Variants in CENPP observed in about 807,000 individuals in gnomAD.
The protein encoded by CENPP is centromere protein P.
CENPP carries 24 observed loss-of-function variants against 35.6 expected under a neutral mutation model. The observed-to-expected ratio is 0.67, with a 90% CI of 0.49 to 0.95. The LOEUF is 0.95. Ranked by LOEUF, CENPP falls within the 40% of genes least tolerant of loss-of-function variation. The probability of loss-of-function intolerance (pLI) is 0.00; values close to 1 mark genes in which losing one functional copy is unlikely to be tolerated. For synonymous variants in CENPP, 120 were observed against 125.5 expected, an observed-to-expected ratio of 0.96 and a Z score of 0.29; for missense variants, 332 against 345.3, an observed-to-expected ratio of 0.96 and a Z score of 0.31.
At chr9:92,422,884 C>T (rs1232973466) in intron 5 of CENPP, among the ~76,000 whole-genome samples, 1 of 152,200 alleles carries the variant, frequency 6.6e-6, no homozygotes, top group Non-Finnish European at 1.5e-5. Context: ...TCATACTCTA[C>T]AATGTATGCC....
At chr9:92,448,658 G>A (rs1228265526) in intron 5 of CENPP, among the ~76,000 whole-genome samples, 1 of 152,056 alleles carries the variant, frequency 6.6e-6, no homozygotes, top group Non-Finnish European at 1.5e-5. Context: ...GGGGCCACAG[G>A]AATGGGATTG....
At chr9:92,506,385 A>AT (rs143737796) in intron 5 of CENPP, among the ~76,000 whole-genome samples, 4,955 of 152,060 alleles carry the variant, frequency 0.033, 131 homozygotes, top group South Asian at 0.084. Context: ...ATACAAACAA[A>AT]TTTTTTCTAC....
chr9:92,504,057 C>A (rs1325071801), intron 5 of CENPP, among the ~76,000 whole-genome samples: 3 of 152,224 alleles, frequency 2.0e-5, no homozygotes, highest in African/African-American at 7.2e-5. Flanking sequence ...AGCTCAGGCT[C>A]ACAGTGGGGC....
chr9:92,392,546 CAG>C (rs1472861218), intron 5 of CENPP, among the ~76,000 whole-genome samples: 3 of 151,136 alleles, frequency 2.0e-5, no homozygotes, highest in African/African-American at 7.3e-5. Flanking sequence ...ACCTGGGAGA[CAG>C]AGGTTGCAGT....
At chr9:92,605,112 C>A (rs1444663301) in intron 5 of CENPP, among the ~76,000 whole-genome samples, 1 of 152,048 alleles carries the variant, frequency 6.6e-6, no homozygotes, top group Non-Finnish European at 1.5e-5. Context: ...CCTCAAGTAG[C>A]TGGAATTATA....
At chr9:92,515,076 G>T in intron 5 of CENPP, 2 of 1,613,862 alleles carry the variant, frequency 1.2e-6, no homozygotes, top group Non-Finnish European at 1.7e-6. Flanking sequence ...TTACTATTCG[G>T]TCCATTCCCA....
At chr9:92,468,329 T>A (rs915238299) in intron 5 of CENPP, among the ~76,000 whole-genome samples, 1 of 152,224 alleles carries the variant, frequency 6.6e-6, no homozygotes, top group Non-Finnish European at 1.5e-5. Context: ...GGCTGAGTGA[T>A]CCAGTTAAAC....
chr9:92,350,468 A>G (rs879592844), intron 4 of CENPP, among the ~76,000 whole-genome samples: 1 of 152,230 alleles, frequency 6.6e-6, no homozygotes, highest in African/African-American at 2.4e-5. Context: ...TTTAAAGTTC[A>G]TTGTAAAAGA....
chr9:92,407,357 A>G (rs983313075), intron 5 of CENPP, among the ~76,000 whole-genome samples: 3 of 152,082 alleles, frequency 2.0e-5, no homozygotes, highest in African/African-American at 7.2e-5. Flanking sequence ...AAACAAAAAC[A>G]CTCCTATCAG....
intron 5 of CENPP, among the ~76,000 whole-genome samples, chr9:92,507,304 GAATCT>G (rs1847065925): frequency 1.3e-5 from 2 of 152,176 alleles, no homozygotes; most frequent in East Asian, 3.8e-4. Context: ...AAGGTACTGA[GAATCT>G]GACATCTTTC....
At chr9:92,479,214 G>C (rs1024175329) in intron 5 of CENPP, among the ~76,000 whole-genome samples, 12 of 152,206 alleles carry the variant, frequency 7.9e-5, no homozygotes, top group African/African-American at 2.9e-4. Context: ...CCTCAGGGCT[G>C]CTGACCAGTC....
At chr9:92,332,629 G>A (rs971809505) in intron 2 of CENPP, among the ~76,000 whole-genome samples, 11 of 152,168 alleles carry the variant, frequency 7.2e-5, no homozygotes, top group Non-Finnish European at 1.5e-4. Flanking sequence ...CCAACATGGT[G>A]CAACTCTGTC....
chr9:92,513,946 G>A lies in CENPP; in HGVS notation c.565-97368G>A, dbSNP rs186307017. Among the ~76,000 whole-genome samples, 40 of 152,296 alleles carry A rather than the reference G, an allele frequency of 2.6e-4. No homozygotes were observed. In the East Asian group the frequency reaches 7.1e-3, roughly 27 times the overall value. On this transcript the variant is annotated intron_variant, in intron 5 of 7. Coordinates refer to ENST00000375587, the MANE Select transcript of CENPP (RefSeq NM_001012267.3). ...TAAAGCTGATTTTTAAGAAACATCA[G>A]TAGGAAATCATCATTTGATTTGGAG...
At chr9:92,569,737 G>C (rs1399691104) in intron 5 of CENPP, among the ~76,000 whole-genome samples, 1 of 152,142 alleles carries the variant, frequency 6.6e-6, no homozygotes. Flanking sequence ...CCATTTGTTT[G>C]TGTCCCTTTT....
chr9:92,591,805 G>A (rs1850669769), intron 5 of CENPP, among the ~76,000 whole-genome samples: 1 of 152,090 alleles, frequency 6.6e-6, no homozygotes, highest in Non-Finnish European at 1.5e-5. Context: ...AAGTGGAAGG[G>A]TAACAGCAGA....
rs192573246 is a variant in CENPP at position 92,467,383 on chromosome 9, G to A, written c.564+87524G>A. On this transcript the variant is annotated intron_variant, in intron 5 of 7. Coordinates refer to ENST00000375587, the MANE Select transcript of CENPP (RefSeq NM_001012267.3). ...AACTGGGAATGTCCTAGGCAAACTG[G>A]GACATGTTGGTAACTCTGATAAGGA... Among the ~76,000 whole-genome samples the A allele has an allele frequency of 2.6e-5, 4 of 152,296 alleles. No individual in the cohort carries two copies. In the East Asian group the frequency reaches 7.7e-4, roughly 29 times the overall value.
intron 5 of CENPP, among the ~76,000 whole-genome samples, chr9:92,569,483 C>T (rs1380974008): frequency 6.6e-6 from 1 of 152,126 alleles, no homozygotes; most frequent in Non-Finnish European, 1.5e-5. Flanking sequence ...GTTACTGTAG[C>T]CTTGTAGTAT....
rs1256007338 is a variant in CENPP, at chr9:92,617,160, G to A, written c.*4011G>A. ...TAAGGTCATGAGTCTCGCTCCAGAA[G>A]CTGGAGTGTGCCTGCAGCTCATCCC... On this transcript the variant is annotated 3_prime_UTR_variant, in exon 8 of 8. Transcript: ENST00000375587. 1 of 152,190 alleles carries A rather than the reference G, an allele frequency of 6.6e-6. No homozygotes were observed. Among genetic ancestry groups the A allele is most frequent in the Non-Finnish European group, 1.5e-5 (1 of 68,062 alleles). 9.4% of individuals were successfully genotyped at this position (152,190 alleles called of 1,614,324 possible). A position where few individuals can be genotyped will look rare whatever the true frequency, so the allele number is the denominator to read the frequency against.
At chr9:92,541,400 G>T (rs1849314428) in intron 5 of CENPP, among the ~76,000 whole-genome samples, 1 of 118,342 alleles carries the variant, frequency 8.5e-6, no homozygotes, top group Non-Finnish European at 1.8e-5. Context: ...AACCTCCACT[G>T]CCACCCCCCT....
Sources: gnomAD v4.1 joint callset for allele counts (sites outside exome capture counted in the v4.1 genomes callset) on GRCh38, gnomAD v4.1.1 for gene constraint, MANE v1.5 for transcripts, NCBI Gene and HGNC (gene_info 2026-07-23, HGNC 2026-07-21) for gene names.